KCNN2: variants seen among roughly 807,000 people sequenced by gnomAD.
KCNN2 encodes potassium calcium-activated channel subfamily N member 2.
KCNN2 carries 24 observed loss-of-function variants against 55.5 expected under a neutral mutation model. That is an observed-to-expected ratio of 0.43 (90% CI 0.31 to 0.61). The LOEUF (loss-of-function observed/expected upper bound fraction) is 0.61, where lower values mean the gene tolerates loss of function less well. Ranked by LOEUF, KCNN2 falls within the 20% of genes least tolerant of loss-of-function variation. The pLI, the probability that KCNN2 is intolerant of heterozygous loss-of-function variation, is 0.08. For missense variants in KCNN2, 754 were observed against 853.6 expected (o/e 0.88, Z 1.45); for synonymous variants, 431 against 336.1 (o/e 1.28, Z -3.09).
At chr5:114,097,299 G>A (rs974182424) in intron 1 of KCNN2, among the ~76,000 whole-genome samples, 2 of 152,094 alleles carry the variant, frequency 1.3e-5, no homozygotes, top group Non-Finnish European at 2.9e-5. Flanking sequence ...CATTTTGTTC[G>A]GATTACAAAC....
rs1757497969 is a variant in KCNN2 at position 114,363,172 on chromosome 5, C to T, written c.1033C>T (p.Arg345Trp). Residue 345 changes from arginine (R) to tryptophan (W), a missense_variant, in exon 1 of 8, where the codon CGG (arginine) becomes TGG (tryptophan). By Grantham distance (101) the Arg-to-Trp change is moderately radical (BLOSUM62 -3). Transcript: ENST00000673685. ...GCGCGCCCTGTTCGAAAAGCGCAAG[C>T]GGCTCAGCGACTACGCGCTCATCTT... ...HRRALFEKRK[R>W]LSDYALIFGM... 6.2e-7 allele frequency: 1 copy of T among 1,613,372 alleles called. No homozygotes were observed. The highest frequency in any genetic ancestry group is 1.1e-5 in the South Asian group (1 of 91,090).
At chr5:114,061,322 A>C (rs1750324751) in intron 1 of KCNN2, among the ~76,000 whole-genome samples, 1 of 152,226 alleles carries the variant, frequency 6.6e-6, no homozygotes, top group African/African-American at 2.4e-5. Context: ...AATGGTGTGA[A>C]TATAGTAATA....
intron 3 of KCNN2, among the ~76,000 whole-genome samples, chr5:114,441,674 TTGTG>T (rs1760220122): frequency 6.6e-6 from 1 of 152,310 alleles, no homozygotes; most frequent in South Asian, 2.1e-4. Flanking sequence ...AGGGACATGT[TTGTG>T]TGATCATGTA....
chr5:114,246,499 T>C (rs1754750812), intron 2 of KCNN2, among the ~76,000 whole-genome samples: 2 of 152,180 alleles, frequency 1.3e-5, no homozygotes, highest in Admixed American at 1.3e-4. Flanking sequence ...AATTACTAAA[T>C]CACTAAAACT....
intron 1 of KCNN2, among the ~76,000 whole-genome samples, chr5:114,200,316 T>A (rs1271776734): frequency 6.6e-6 from 1 of 152,136 alleles, no homozygotes; most frequent in Non-Finnish European, 1.5e-5. Context: ...ATGTATTTTG[T>A]ATTTCCCTCA....
intron 2 of KCNN2, among the ~76,000 whole-genome samples, chr5:114,403,054 C>T (rs1758833647): frequency 1.3e-5 from 2 of 152,196 alleles, no homozygotes; most frequent in South Asian, 4.1e-4. Context: ...TATTTGTAAG[C>T]AGTATATCGG....
At chr5:114,348,217 G>T (rs1457764) in intron 2 of KCNN2, among the ~76,000 whole-genome samples, 5,307 of 144,692 alleles carry the variant, frequency 0.037, 280 homozygotes, top group African/African-American at 0.12. Context: ...ATACCAAAGG[G>T]TGATAGGAGA....
chr5:114,392,086 G>A (rs1176662014), intron 2 of KCNN2, among the ~76,000 whole-genome samples: 1 of 152,174 alleles, frequency 6.6e-6, no homozygotes, highest in Non-Finnish European at 1.5e-5. Context: ...ACACATAACT[G>A]CAAAGGAGTC....
intron 2 of KCNN2, among the ~76,000 whole-genome samples, chr5:114,374,783 C>G (rs758810593): frequency 1.3e-5 from 2 of 152,178 alleles, no homozygotes; most frequent in South Asian, 2.1e-4. Context: ...TTATGTAGAC[C>G]ATTCTAACAA....
At chr5:114,400,458 C>T (rs1382647705) in intron 2 of KCNN2, among the ~76,000 whole-genome samples, 1 of 152,218 alleles carries the variant, frequency 6.6e-6, no homozygotes, top group African/African-American at 2.4e-5. Context: ...ACCCTGTTTT[C>T]CCCAGAGCAG....
chr5:114,394,840 GTTATA>G (rs1431548928), intron 2 of KCNN2, among the ~76,000 whole-genome samples: 4 of 152,250 alleles, frequency 2.6e-5, no homozygotes, highest in Non-Finnish European at 5.9e-5. Flanking sequence ...CAGGCTTTCA[GTTATA>G]TTAAGTGCCA....
intron 2 of KCNN2, among the ~76,000 whole-genome samples, chr5:114,331,277 TGAG>T (rs1481669838): frequency 6.6e-6 from 1 of 151,964 alleles, no homozygotes; most frequent in African/African-American, 2.4e-5. Flanking sequence ...TGTGGAGACG[TGAG>T]AAGAGAGAGC....
intron 2 of KCNN2, among the ~76,000 whole-genome samples, chr5:114,277,324 C>T (rs763926762): frequency 4.6e-5 from 7 of 152,070 alleles, no homozygotes; most frequent in Non-Finnish European, 7.4e-5. Context: ...CTTGGGGTTT[C>T]TCTTCTTGAG....
chr5:114,370,825 A>C (rs1337628668), intron 2 of KCNN2, among the ~76,000 whole-genome samples: 1 of 151,942 alleles, frequency 6.6e-6, no homozygotes, highest in African/African-American at 2.4e-5. Flanking sequence ...TCCGCCCCCC[A>C]CCCCTCCCAC....
chr5:114,113,172 G>C (rs1454178521), intron 1 of KCNN2, among the ~76,000 whole-genome samples: 1 of 152,038 alleles, frequency 6.6e-6, no homozygotes, highest in East Asian at 1.9e-4. Flanking sequence ...TTTGGGAAAT[G>C]TTCAATGTCG....
intron 1 of KCNN2, among the ~76,000 whole-genome samples, chr5:114,206,064 C>T (rs1475350261): frequency 6.6e-6 from 1 of 152,130 alleles, no homozygotes; most frequent in Non-Finnish European, 1.5e-5. Flanking sequence ...TGCTAGTTAG[C>T]AGGATTTTAT....
At chr5:114,449,875 A>AACACACACAC (rs1561390786) in intron 3 of KCNN2, among the ~76,000 whole-genome samples, 3 of 57,230 alleles carry the variant, frequency 5.2e-5, no homozygotes, top group African/African-American at 1.9e-4. Flanking sequence ...TAAGCATCCA[A>AACACACACAC]ACATACACAC....
intron 1 of KCNN2, among the ~76,000 whole-genome samples, chr5:114,205,518 TAAAA>T (rs983306588): frequency 5.3e-5 from 8 of 152,182 alleles, no homozygotes; most frequent in Non-Finnish European, 5.9e-5. Flanking sequence ...AAGTGCGAAT[TAAAA>T]AGAATGAGCT....
chr5:114,212,107 A>C (rs1459045673), intron 1 of KCNN2, among the ~76,000 whole-genome samples: 1 of 152,042 alleles, frequency 6.6e-6, no homozygotes, highest in Non-Finnish European at 1.5e-5. Flanking sequence ...AAGAAGAAAC[A>C]TTTGGTGAAA....
Sources: gnomAD v4.1 joint callset for allele counts (sites outside exome capture counted in the v4.1 genomes callset) on GRCh38, gnomAD v4.1.1 for gene constraint, MANE v1.5 for transcripts, NCBI Gene and HGNC (gene_info 2026-07-23, HGNC 2026-07-21) for gene names.